The following FAT1 variants were observed in gnomAD, a reference collection of about 807,000 sequenced individuals.
FAT1 encodes FAT atypical cadherin 1, also known as protocadherin Fat 1.
Under a neutral mutation model 329.8 loss-of-function variants are expected in FAT1, and 171 were observed. The ratio of observed to expected loss-of-function variants is 0.52; its 90% CI spans 0.46 to 0.59. The LOEUF (loss-of-function observed/expected upper bound fraction) is 0.59, where lower values mean the gene tolerates loss of function less well. Ranked by LOEUF, FAT1 falls within the 20% of genes least tolerant of loss-of-function variation. FAT1 has a pLI of 0.00. For missense variants in FAT1, 5,672 were observed against 5,774.4 expected (o/e 0.98, Z 0.57); for synonymous variants, 2,233 against 2,228.6 (o/e 1.00, Z -0.06).
At position 186,604,470 on chromosome 4, in the gene FAT1, A is replaced by G. The variant is rs1339435352; in HGVS notation, c.10455T>C (p.Asp3485=). The G allele has an allele frequency of 6.2e-7, 1 of 1,613,900 alleles. No individual in the cohort carries two copies. The highest frequency in any genetic ancestry group is 1.7e-5 in the Admixed American group (1 of 60,024). ...GCGGGTTAACTTCAAAAGCCTTCTC[A>G]TCATTTCCAGTTACAATAGTAAAGA... is the stretch of plus-strand genomic sequence containing the variant. The part of the protein sequence containing the change: ...PFFFTIVTGN[D]EKAFEVNPQG... Residue 3485 remains aspartate, a synonymous_variant, in exon 18 of 27, where the codon GAT becomes GAC. Coordinates refer to ENST00000441802, the MANE Select transcript of FAT1 (RefSeq NM_005245.4).
At chr4:186,601,541 AT>A in intron 20 of FAT1, 115 bp from the exon 21 acceptor site, 1 of 751,736 alleles carries the variant, frequency 1.3e-6, no homozygotes, top group Non-Finnish European at 2.0e-6. Context: ...AGATGATAAC[AT>A]TTTACTATCC....
rs1740443253 is a variant in FAT1 at position 186,628,657 on chromosome 4, T to G, written c.4430A>C (p.Gln1477Pro). Residue 1477 changes from glutamine (Q) to proline (P), a missense_variant, in exon 8 of 27, where the codon CAA becomes CCA. Gln to Pro is a moderately conservative substitution (Grantham distance 76, BLOSUM62 -1). This residue lies in a region of FAT1 where 3,966 missense variants were observed against 3,915.2 expected (regional missense o/e 1.01). Coordinates refer to ENST00000441802, the MANE Select transcript of FAT1 (RefSeq NM_005245.4). The stretch of plus-strand genomic sequence containing the variant: ...CTCATCCTGATCCACAGCACTGATT[T>G]GCAAAATTTCTGTTTCTGGCGCTGT... ...EDTAPETEIL[Q>P]ISAVDQDEKN... The G allele has an allele frequency of 1.2e-6, 2 of 1,613,906 alleles. No individual in the cohort carries two copies. Among genetic ancestry groups the G allele is most frequent in the South Asian group, 2.2e-5 (2 of 91,092 alleles).
rs750617660 is a variant in FAT1 at position 186,618,368 on chromosome 4, C to T, written c.8218G>A (p.Gly2740Arg). The T allele has an allele frequency of 1.9e-6, 3 of 1,614,042 alleles. No individual in the cohort carries two copies. The Admixed American group carries it at 5.0e-5, about 27-fold the overall frequency. ...TCCCTATTGCTTTCTGGAGTATTCCCTTTGACCAGGCTGTAAAGAACAGTC... is the reference window on the plus strand; with the variant it reads ...TCCCTATTGCTTTCTGGAGTATTCCTTTTGACCAGGCTGTAAAGAACAGTC... ...SGTVLYSLVKGNTPESNRDES... is the reference protein window; with the variant it reads ...SGTVLYSLVKRNTPESNRDES... Residue 2740 changes from glycine to arginine, a missense_variant, in exon 10 of 27, where the codon GGG (glycine) becomes AGG (arginine). Coordinates refer to ENST00000441802, the MANE Select transcript of FAT1 (RefSeq NM_005245.4).
rs768963328 is a variant in FAT1 at position 186,618,843 on chromosome 4, G to A, written c.7743C>T (p.Thr2581=). 23 of 1,613,818 alleles carry A rather than the reference G, an allele frequency of 1.4e-5. No homozygotes were observed. The highest frequency in any genetic ancestry group is 5.3e-5 in the African/African-American group (4 of 74,912). The change falls in exon 10 of 27, where the codon ACC becomes ACT. Residue 2581 remains threonine (T), a synonymous_variant. Transcript: ENST00000441802. ...TGTCATCTGTAAGGATGACATTCAC[G>A]GTGCAGAAAGCAACTTTTCCTCCAG... ...KDAGGKVAFC[T]VNVILTDDND...
At position 186,620,838 on chromosome 4, in the gene FAT1, G is replaced by A. The variant is rs952381929; in HGVS notation, c.5748C>T (p.Tyr1916=). Residue 1916 remains tyrosine (Y), a synonymous_variant, in exon 10 of 27, where the codon TAC becomes TAT. Transcript: ENST00000441802. ...ADSSAFSQLI[Y]SITEGNIGEK... ...CCCCGATGTTGCCTTCGGTGATGGA[G>A]TAAATCAACTGTGAGAATGCACTTG... 7 of 1,614,034 alleles carry A rather than the reference G, an allele frequency of 4.3e-6. No homozygotes were observed. The highest frequency in any genetic ancestry group is 5.9e-6 in the Non-Finnish European group (7 of 1,179,894).
chr4:186,655,088 T>C (rs1741842619), intron 3 of FAT1, among the ~76,000 whole-genome samples: 1 of 152,204 alleles, frequency 6.6e-6, no homozygotes, highest in South Asian at 2.1e-4. Flanking sequence ...GATTGCATTA[T>C]GTATTTAAAA....
At chr4:186,661,952 A>G (rs1742192000) in intron 3 of FAT1, among the ~76,000 whole-genome samples, 1 of 152,156 alleles carries the variant, frequency 6.6e-6, no homozygotes. Flanking sequence ...AAAAAATGTC[A>G]GAATTGAATG....
rs763760839 is a variant in FAT1, at chr4:186,708,056, A to G, written c.1772T>C (p.Val591Ala). The G allele has an allele frequency of 6.2e-7, 1 of 1,613,902 alleles. No homozygotes were observed. The highest frequency in any genetic ancestry group is 8.5e-7 in the Non-Finnish European group (1 of 1,179,908). Reference protein sequence around the residue: ...DLGVGEQITTVSAIDADELQL... With the variant: ...DLGVGEQITTASAIDADELQL... ...AAGTTCATCTGCATCAATAGCAGAA[A>G]CAGTGGTTATTTGCTCTCCCACGCC... Residue 591 changes from valine (V) to alanine (A), a missense_variant, in exon 2 of 27, where the codon GTT (valine) becomes GCT (alanine). Val to Ala is a moderately conservative substitution (Grantham distance 64, BLOSUM62 0). Transcript: ENST00000441802.
chr4:186,678,432 T>C (rs1479932094), intron 2 of FAT1, among the ~76,000 whole-genome samples: 3 of 149,814 alleles, frequency 2.0e-5, no homozygotes, highest in African/African-American at 7.3e-5. Flanking sequence ...ATTAATTTAT[T>C]ATAATATAAT....
intron 2 of FAT1, among the ~76,000 whole-genome samples, chr4:186,682,325 G>A (rs925210312): frequency 1.3e-5 from 2 of 152,040 alleles, no homozygotes; most frequent in African/African-American, 4.8e-5. Context: ...TCAGGAGTTC[G>A]AGAACAGCCT....
intron 3 of FAT1, among the ~76,000 whole-genome samples, chr4:186,652,586 C>T (rs115007119): frequency 6.6e-6 from 1 of 152,106 alleles, no homozygotes; most frequent in Non-Finnish European, 1.5e-5. Context: ...TCTACAGATT[C>T]CTCCTTAAAA....
At chr4:186,715,388 A>G (rs1341830070) in intron 1 of FAT1, among the ~76,000 whole-genome samples, 1 of 152,212 alleles carries the variant, frequency 6.6e-6, no homozygotes, top group African/African-American at 2.4e-5. Context: ...AATCTTTGAA[A>G]AACCTGAATG....
At chr4:186,665,100 A>C (rs1742367779) in intron 2 of FAT1, among the ~76,000 whole-genome samples, 1 of 152,226 alleles carries the variant, frequency 6.6e-6, no homozygotes, top group Non-Finnish European at 1.5e-5. Context: ...ATGTGAAATT[A>C]TCATAAAATG....
chr4:186,588,782 T>C lies in FAT1; in HGVS notation c.13577A>G (p.His4526Arg), dbSNP rs768453815. The part of the protein sequence containing the change: ...HAPYPPGYQR[H>R]FEAPAVESMP... The stretch of plus-strand genomic sequence containing the variant: ...GCTCTCGACAGCGGGCGCCTCGAAG[T>C]GTCTTTGATACCCTGGCGGGTAAGG... The change falls in exon 27 of 27, where the codon CAC becomes CGC. Residue 4526 changes from histidine to arginine, a missense_variant. His to Arg is a conservative substitution (Grantham distance 29, BLOSUM62 0). Coordinates refer to ENST00000441802, the MANE Select transcript of FAT1 (RefSeq NM_005245.4). The C allele has an allele frequency of 3.7e-6, 6 of 1,613,820 alleles. No individual in the cohort carries two copies. In the African/African-American group the frequency reaches 8.0e-5, roughly 22 times the overall value.
chr4:186,646,148 G>T (rs1179330938), intron 3 of FAT1, among the ~76,000 whole-genome samples: 1 of 151,938 alleles, frequency 6.6e-6, no homozygotes, highest in African/African-American at 2.4e-5. Flanking sequence ...TGGCTCTAAA[G>T]GAAGGAATCT....
In FAT1 at chr4:186,707,969, T is replaced by C. The variant is rs753881702; in HGVS notation, c.1859A>G (p.Asn620Ser). 14 of 1,613,818 alleles carry C rather than the reference T, an allele frequency of 8.7e-6. No homozygotes were observed. Among genetic ancestry groups the C allele is most frequent in the African/African-American group, 8.0e-5 (6 of 74,918 alleles). ...NELDFFSLNP[N>S]SGVLSLKRSL... ...TCGCTTTAATGACAATACCCCCGAGTTGGGGTTTAAACTAAAGAAATCCAG... is the reference window on the plus strand; with the variant it reads ...TCGCTTTAATGACAATACCCCCGAGCTGGGGTTTAAACTAAAGAAATCCAG... The change falls in exon 2 of 27, where the codon AAC (asparagine) becomes AGC (serine). Residue 620 changes from asparagine (N) to serine (S), a missense_variant. Around this residue, in one of 2 missense-constraint regions of FAT1, gnomAD observed 3,966 missense variants for 3,915.2 expected, o/e 1.01. Transcript: ENST00000441802.
Position 186,597,127 on chromosome 4 carries a change from T to G in FAT1, c.12413A>C (p.His4138Pro), listed in dbSNP as rs1560918878. 1 of 1,613,690 alleles carries G rather than the reference T, an allele frequency of 6.2e-7. No individual in the cohort carries two copies. ...GTGCGTGTTCTCACAGAGGGCCCCG[T>G]GCAGGCAAGGGTTTCCAGAGCACTC... ...IDECSGNPCL[H>P]GALCENTHGS... The change falls in exon 25 of 27, where the codon CAC (histidine) becomes CCC (proline). Residue 4138 changes from histidine to proline, a missense_variant. By Grantham distance (77) the His-to-Pro change is moderately conservative (BLOSUM62 -2). Coordinates refer to ENST00000441802, the MANE Select transcript of FAT1 (RefSeq NM_005245.4).
intron 1 of FAT1, among the ~76,000 whole-genome samples, chr4:186,710,669 AC>A (rs1744906324): frequency 6.6e-6 from 1 of 152,104 alleles, no homozygotes; most frequent in Non-Finnish European, 1.5e-5. Flanking sequence ...GCTGTCAACA[AC>A]CAGTTGTTCA....
At chr4:186,637,888 A>G (rs777382748) in intron 4 of FAT1, among the ~76,000 whole-genome samples, 1 of 152,238 alleles carries the variant, frequency 6.6e-6, no homozygotes, top group African/African-American at 2.4e-5. Context: ...TAGTTGCTTT[A>G]TATTATTTAC....
Sources: gnomAD v4.1 joint callset for allele counts (sites outside exome capture counted in the v4.1 genomes callset) on GRCh38, gnomAD v4.1.1 for gene constraint, gnomAD v4.1.1 regional missense constraint, MANE v1.5 for transcripts, NCBI Gene and HGNC (gene_info 2026-07-23, HGNC 2026-07-21) for gene names.